The following COL26A1 variants were observed in gnomAD, a reference collection of about 807,000 sequenced individuals.
COL26A1 encodes the protein collagen type XXVI alpha 1 chain.
Under a neutral mutation model 59.3 loss-of-function variants are expected in COL26A1, and 41 were observed. The ratio of observed to expected loss-of-function variants is 0.69; its 90% CI spans 0.54 to 0.90. The LOEUF (loss-of-function observed/expected upper bound fraction) is 0.90. COL26A1 is among the 40% of genes least tolerant of loss of function. The pLI, the probability that COL26A1 is intolerant of heterozygous loss-of-function variation, is 0.00. For synonymous variants in COL26A1, 266 were observed against 256.0 expected (o/e 1.04, Z -0.37); for missense variants, 612 against 602.3 (o/e 1.02, Z -0.17).
chr7:101,370,379 T>C (rs1791162001), intron 1 of COL26A1, among the ~76,000 whole-genome samples: 1 of 152,076 alleles, frequency 6.6e-6, no homozygotes, highest in Non-Finnish European at 1.5e-5. Flanking sequence ...TTGTTTTGTT[T>C]TTGTTTTTTG....
intron 1 of COL26A1, among the ~76,000 whole-genome samples, chr7:101,364,356 CA>C (rs1790990630): frequency 1.3e-5 from 2 of 150,304 alleles, no homozygotes; most frequent in East Asian, 3.9e-4. Flanking sequence ...TTTTTTTTTG[CA>C]GAGGCAGAAT....
intron 1 of COL26A1, among the ~76,000 whole-genome samples, chr7:101,418,579 C>CT (rs1792433408): frequency 6.6e-6 from 1 of 152,132 alleles, no homozygotes; most frequent in African/African-American, 2.4e-5. Context: ...AGTGATACTC[C>CT]TGCCTCAGCC....
At chr7:101,414,426 CTG>C (rs1182739090) in intron 1 of COL26A1, among the ~76,000 whole-genome samples, 2 of 136,554 alleles carry the variant, frequency 1.5e-5, no homozygotes, top group Non-Finnish European at 3.2e-5. Context: ...CGCTCTCACT[CTG>C]TGTTTGTGTG....
chr7:101,469,029 C>G (rs1793831767), intron 3 of COL26A1, among the ~76,000 whole-genome samples: 1 of 152,176 alleles, frequency 6.6e-6, no homozygotes, highest in African/African-American at 2.4e-5. Flanking sequence ...CAAATGTTTC[C>G]ATCTCCTGAT....
intron 2 of COL26A1, among the ~76,000 whole-genome samples, chr7:101,445,912 G>A (rs1411430492): frequency 6.6e-6 from 1 of 150,838 alleles, no homozygotes; most frequent in Admixed American, 6.6e-5. Flanking sequence ...GCTGAGAGTG[G>A]TGGCATGTGC....
At chr7:101,494,059 C>G (rs1794528924) in intron 3 of COL26A1, among the ~76,000 whole-genome samples, 3 of 152,102 alleles carry the variant, frequency 2.0e-5, no homozygotes, top group Admixed American at 2.0e-4. Flanking sequence ...TATTTCAAGA[C>G]AGTGGCAATA....
intron 3 of COL26A1, among the ~76,000 whole-genome samples, chr7:101,498,257 G>A (rs943957540): frequency 1.1e-4 from 16 of 152,106 alleles, no homozygotes; most frequent in Non-Finnish European, 2.2e-4. Flanking sequence ...ATTTTGGTTT[G>A]GTCTGTTGGA....
intron 10 of COL26A1, among the ~76,000 whole-genome samples, chr7:101,551,962 T>C (rs780507581): frequency 7.9e-5 from 12 of 152,122 alleles, no homozygotes; most frequent in Admixed American, 1.3e-4. Flanking sequence ...TGCTTTATTA[T>C]CCCCGTTTGC....
At chr7:101,415,484 T>C (rs1470159809) in intron 1 of COL26A1, among the ~76,000 whole-genome samples, 1 of 152,096 alleles carries the variant, frequency 6.6e-6, no homozygotes, top group African/African-American at 2.4e-5. Context: ...AGATTTTAAA[T>C]ATAACTGAGG....
At chr7:101,366,644 G>C (rs1176240010) in intron 1 of COL26A1, among the ~76,000 whole-genome samples, 1 of 151,742 alleles carries the variant, frequency 6.6e-6, no homozygotes, top group African/African-American at 2.4e-5. Context: ...GGGACCATAG[G>C]CATGGGCCAC....
chr7:101,422,846 G>A (rs1562971643), intron 2 of COL26A1, among the ~76,000 whole-genome samples: 1 of 152,150 alleles, frequency 6.6e-6, no homozygotes, highest in Non-Finnish European at 1.5e-5. Context: ...TCGCCATGTT[G>A]CCCAGGCTGG....
intron 3 of COL26A1, among the ~76,000 whole-genome samples, chr7:101,482,410 G>A (rs532308613): frequency 6.6e-6 from 1 of 152,266 alleles, no homozygotes; most frequent in South Asian, 2.1e-4. Flanking sequence ...ATCTTTAATT[G>A]CACCAAATTC....
chr7:101,380,037 T>G (rs10250505), intron 1 of COL26A1, among the ~76,000 whole-genome samples: 9,248 of 152,190 alleles, frequency 0.061, 648 homozygotes, highest in African/African-American at 0.16. Flanking sequence ...TGTTGCCCAG[T>G]CAGGAGTGCA....
intron 3 of COL26A1, among the ~76,000 whole-genome samples, chr7:101,522,593 A>G (rs559394482): frequency 5.4e-4 from 82 of 152,282 alleles, no homozygotes; most frequent in Non-Finnish European, 7.8e-4. Flanking sequence ...GACTTAAGAC[A>G]GAGATCAGGA....
intron 3 of COL26A1, among the ~76,000 whole-genome samples, chr7:101,450,303 G>C (rs1793299901): frequency 6.6e-6 from 1 of 152,090 alleles, no homozygotes; most frequent in Admixed American, 6.6e-5. Context: ...GCCACCCGGG[G>C]AAGCTCATCT....
chr7:101,442,132 C>T (rs928520485), intron 2 of COL26A1, among the ~76,000 whole-genome samples: 3 of 152,142 alleles, frequency 2.0e-5, no homozygotes, highest in Admixed American at 1.3e-4. Flanking sequence ...TTGGCCCTTG[C>T]GCCTGCCCCG....
intron 3 of COL26A1, among the ~76,000 whole-genome samples, chr7:101,459,268 C>G (rs1284035379): frequency 6.6e-6 from 1 of 151,970 alleles, no homozygotes; most frequent in African/African-American, 2.4e-5. Context: ...CTAAGGTGGC[C>G]TTGTCCCTAG....
intron 1 of COL26A1, among the ~76,000 whole-genome samples, chr7:101,367,200 C>T (rs1791067326): frequency 1.3e-5 from 2 of 152,108 alleles, no homozygotes; most frequent in African/African-American, 4.8e-5. Context: ...TCTAGTCTAC[C>T]ATATTATATC....
chr7:101,365,035 T>C (rs1336462734), intron 1 of COL26A1, among the ~76,000 whole-genome samples: 1 of 152,166 alleles, frequency 6.6e-6, no homozygotes, highest in Non-Finnish European at 1.5e-5. Flanking sequence ...GGAAGAAATA[T>C]ACAGTCATGG....
Sources: gnomAD v4.1 joint callset for allele counts (sites outside exome capture counted in the v4.1 genomes callset) on GRCh38, gnomAD v4.1.1 for gene constraint, MANE v1.5 for transcripts, NCBI Gene and HGNC (gene_info 2026-07-23, HGNC 2026-07-21) for gene names.